The following LRRC7 variants were observed in gnomAD, a reference collection of about 807,000 sequenced individuals.
LRRC7 encodes the protein leucine-rich repeat-containing protein 7.
Under a neutral mutation model 175.7 loss-of-function variants are expected in LRRC7, and 23 were observed. That is an observed-to-expected ratio of 0.13 (90% CI 0.09 to 0.19). The LOEUF is 0.19. Among genes scored for constraint, LRRC7 ranks in the 10% least tolerant of loss-of-function variants. The pLI is 1.00. For missense variants in LRRC7, 1,354 were observed against 1,904.7 expected (o/e 0.71, Z 5.38); for synonymous variants, 685 against 680.9 (o/e 1.01, Z -0.09).
Position 70,122,083 on chromosome 1 carries a change from A to G in LRRC7, c.*196A>G. On this transcript the variant is annotated 3_prime_UTR_variant, in exon 27 of 27. Coordinates refer to ENST00000651989, the MANE Select transcript of LRRC7 (RefSeq NM_001370785.2). ...TATGATGTTCATGTGGTTATGTATT[A>G]GTTTTAATTGTCAGCCTCTGGCTGT... 2.3e-6 allele frequency: 1 copy of G among 428,442 alleles called. No individual in the cohort carries two copies. The highest frequency in any genetic ancestry group is 4.1e-6 in the Non-Finnish European group (1 of 242,090). The allele number at this position is 428,442 out of a possible 1,614,324, so 26.5% of individuals were successfully genotyped here.
chr1:69,651,632 A>G (rs1374335109), intron 1 of LRRC7, among the ~76,000 whole-genome samples: 1 of 152,190 alleles, frequency 6.6e-6, no homozygotes, highest in Non-Finnish European at 1.5e-5. Context: ...GAATCCAATT[A>G]AAAAGTTGCA....
At chr1:69,616,025 A>T (rs373596672) in intron 1 of LRRC7, among the ~76,000 whole-genome samples, 1 of 152,202 alleles carries the variant, frequency 6.6e-6, no homozygotes. Context: ...AAGACAAGGC[A>T]AATTTTAAAT....
chr1:70,042,775 A>G (rs377059977), intron 21 of LRRC7, among the ~76,000 whole-genome samples: 4 of 152,286 alleles, frequency 2.6e-5, no homozygotes, highest in Middle Eastern at 6.8e-3. Flanking sequence ...CATGGTGACA[A>G]TGGAAAATCT....
At chr1:69,928,101 G>A (rs531654864) in intron 7 of LRRC7, among the ~76,000 whole-genome samples, 15 of 152,252 alleles carry the variant, frequency 9.9e-5, no homozygotes, top group East Asian at 1.9e-4. Context: ...TATCAGCAGC[G>A]GTGGCTGCAC....
chr1:69,695,724 C>T (rs2100675447), intron 2 of LRRC7, among the ~76,000 whole-genome samples: 1 of 152,340 alleles, frequency 6.6e-6, no homozygotes, highest in East Asian at 1.9e-4. Context: ...TCCCCACATG[C>T]CAGCCGCTCT....
At chr1:69,853,429 C>T (rs1478993582) in intron 7 of LRRC7, among the ~76,000 whole-genome samples, 1 of 151,752 alleles carries the variant, frequency 6.6e-6, no homozygotes, top group Non-Finnish European at 1.5e-5. Context: ...CAGGCATGTG[C>T]CACCACACCC....
At chr1:70,089,613 G>A in intron 24 of LRRC7, 114 bp from the exon 25 acceptor site, 1 of 676,530 alleles carries the variant, frequency 1.5e-6, no homozygotes, top group Non-Finnish European at 2.5e-6. Flanking sequence ...ACTCAACATA[G>A]GCTAACCCTA....
intron 23 of LRRC7, among the ~76,000 whole-genome samples, chr1:70,072,246 A>G (rs1662443711): frequency 6.6e-6 from 1 of 152,210 alleles, no homozygotes; most frequent in South Asian, 2.1e-4. Flanking sequence ...CACAGGCTTT[A>G]CAGAAACCTT....
At chr1:69,593,718 A>T (rs933082907) in intron 1 of LRRC7, among the ~76,000 whole-genome samples, 8 of 152,198 alleles carry the variant, frequency 5.3e-5, no homozygotes, top group Non-Finnish European at 8.8e-5. Context: ...TACAGCTGAA[A>T]TCAGAGACTG....
intron 7 of LRRC7, among the ~76,000 whole-genome samples, chr1:69,889,818 G>C (rs547653570): frequency 2.0e-5 from 3 of 151,242 alleles, no homozygotes; most frequent in African/African-American, 7.4e-5. Flanking sequence ...AGTAGAGTAA[G>C]GAGATAGAGA....
At chr1:69,876,142 C>T (rs950452521) in intron 7 of LRRC7, among the ~76,000 whole-genome samples, 21 of 152,176 alleles carry the variant, frequency 1.4e-4, no homozygotes, top group Admixed American at 8.5e-4. Flanking sequence ...TCAGAAGTTA[C>T]GGGTTTCTGG....
intron 7 of LRRC7, among the ~76,000 whole-genome samples, chr1:69,859,174 A>T (rs1261398660): frequency 6.6e-6 from 1 of 152,166 alleles, no homozygotes; most frequent in Non-Finnish European, 1.5e-5. Flanking sequence ...TATACAACTT[A>T]TAATGTTGCA....
chr1:69,857,004 G>T (rs1683730048), intron 7 of LRRC7, among the ~76,000 whole-genome samples: 2 of 152,040 alleles, frequency 1.3e-5, no homozygotes, highest in Admixed American at 1.3e-4. Context: ...CAGAACCAAA[G>T]ACAAAAACCA....
intron 24 of LRRC7, among the ~76,000 whole-genome samples, chr1:70,082,375 A>G (rs1465922060): frequency 6.6e-6 from 1 of 152,162 alleles, no homozygotes; most frequent in Non-Finnish European, 1.5e-5. Flanking sequence ...AAGAATTGCT[A>G]TTTGTGAATA....
chr1:69,772,154 G>T (rs1672313854), intron 3 of LRRC7, among the ~76,000 whole-genome samples: 1 of 152,096 alleles, frequency 6.6e-6, no homozygotes, highest in Middle Eastern at 3.4e-3. Context: ...GAAAGAAAAA[G>T]AAAATAAAAT....
At chr1:69,871,873 A>G (rs770038654) in intron 7 of LRRC7, among the ~76,000 whole-genome samples, 8 of 152,002 alleles carry the variant, frequency 5.3e-5, no homozygotes, top group Non-Finnish European at 1.0e-4. Flanking sequence ...TACCTATTAT[A>G]TACATGAAAT....
At chr1:69,628,729 A>G (rs1652002392) in intron 1 of LRRC7, among the ~76,000 whole-genome samples, 1 of 152,166 alleles carries the variant, frequency 6.6e-6, no homozygotes, top group African/African-American at 2.4e-5. Flanking sequence ...ACTACTATGA[A>G]GCTATAGTAA....
chr1:70,069,718 C>T (rs748123395), intron 23 of LRRC7, among the ~76,000 whole-genome samples: 9 of 152,182 alleles, frequency 5.9e-5, no homozygotes, highest in African/African-American at 1.9e-4. Context: ...TTTCTCTTCT[C>T]CTCATGATAA....
intron 7 of LRRC7, among the ~76,000 whole-genome samples, chr1:69,851,650 A>G (rs1682999929): frequency 6.6e-6 from 1 of 152,146 alleles, no homozygotes; most frequent in Non-Finnish European, 1.5e-5. Flanking sequence ...ACCTGAGCAC[A>G]AGTAGAAAAT....
Sources: gnomAD v4.1 joint callset for allele counts (sites outside exome capture counted in the v4.1 genomes callset) on GRCh38, gnomAD v4.1.1 for gene constraint, MANE v1.5 for transcripts, NCBI Gene and HGNC (gene_info 2026-07-23, HGNC 2026-07-21) for gene names.